KCNMA1: variants seen among roughly 807,000 people sequenced by gnomAD.
The protein encoded by KCNMA1 is potassium calcium-activated channel subfamily M alpha 1.
Under a neutral mutation model 140.0 loss-of-function variants are expected in KCNMA1, and 29 were observed. The observed-to-expected ratio is 0.21, with a 90% CI of 0.15 to 0.28. The LOEUF (loss-of-function observed/expected upper bound fraction) is 0.28, where lower values mean the gene tolerates loss of function less well. Among genes scored for constraint, KCNMA1 ranks in the 10% least tolerant of loss-of-function variants. The pLI is 1.00. For missense variants in KCNMA1, 880 were observed against 1,602.2 expected, an observed-to-expected ratio of 0.55 and a Z score of 7.70; for synonymous variants, 612 against 611.9, an observed-to-expected ratio of 1.00 and a Z score of 0.00.
chr10:77,563,879 G>A (rs2067231468), intron 1 of KCNMA1, among the ~76,000 whole-genome samples: 1 of 152,214 alleles, frequency 6.6e-6, no homozygotes, highest in South Asian at 2.1e-4. Context: ...CTTATGAACT[G>A]TGTGCCCATA....
chr10:77,268,699 G>T (rs1048839399), intron 2 of KCNMA1, among the ~76,000 whole-genome samples: 3 of 152,106 alleles, frequency 2.0e-5, no homozygotes, highest in Non-Finnish European at 4.4e-5. Flanking sequence ...CATGGGGTTC[G>T]AATGTGTCAT....
At chr10:77,130,294 A>G (rs1416305222) in intron 5 of KCNMA1, among the ~76,000 whole-genome samples, 1 of 152,204 alleles carries the variant, frequency 6.6e-6, no homozygotes, top group African/African-American at 2.4e-5. Context: ...AATTTTCAGC[A>G]CTTTATTATA....
intron 1 of KCNMA1, among the ~76,000 whole-genome samples, chr10:77,441,058 C>G (rs770781266): frequency 6.6e-6 from 1 of 151,932 alleles, no homozygotes; most frequent in Non-Finnish European, 1.5e-5. Context: ...CTCCTGACCT[C>G]GTGATCCACC....
downstream of KCNMA1, chr10:76,872,199 T>A (rs2031488985): frequency 6.6e-6 from 1 of 152,218 alleles, no homozygotes; most frequent in South Asian, 2.1e-4. Context: ...CTTTGTGAGT[T>A]TGTTGCTGAC....
chr10:76,886,491 G>A lies in KCNMA1; in HGVS notation c.*775C>T. The A allele has an allele frequency of 9.1e-6, 9 of 984,204 alleles. No individual in the cohort carries two copies. The highest frequency in any genetic ancestry group is 9.7e-6 in the Non-Finnish European group (8 of 828,850). 61.0% of individuals were successfully genotyped at this position (984,204 alleles called of 1,614,324 possible). On this transcript the variant is annotated 3_prime_UTR_variant, in exon 28 of 28. Coordinates refer to ENST00000286628, the MANE Select transcript of KCNMA1 (RefSeq NM_001161352.2). ...AGGAGACAGAATAACAATTTAATAT[G>A]CAATCAAACCTCTTTTCACTTAAAC...
At chr10:77,178,239 G>T (rs1175719151) in intron 5 of KCNMA1, among the ~76,000 whole-genome samples, 1 of 152,162 alleles carries the variant, frequency 6.6e-6, no homozygotes, top group South Asian at 2.1e-4. Context: ...AACAGGGGAT[G>T]GTGTTGGAAA....
chr10:77,458,734 C>T (rs1433636951), intron 1 of KCNMA1, among the ~76,000 whole-genome samples: 1 of 152,128 alleles, frequency 6.6e-6, no homozygotes, highest in Admixed American at 6.5e-5. Flanking sequence ...TGCAGACAAC[C>T]AAGGCTCAAT....
intron 5 of KCNMA1, among the ~76,000 whole-genome samples, chr10:77,142,795 T>A (rs1338544373): frequency 6.6e-6 from 1 of 152,204 alleles, no homozygotes; most frequent in Non-Finnish European, 1.5e-5. Context: ...TTAGGAATAA[T>A]ATTATGTCTC....
chr10:77,018,981 A>G (rs1439760687), intron 17 of KCNMA1, 32 bp downstream of exon 17: 3 of 1,295,080 alleles, frequency 2.3e-6, no homozygotes, highest in Non-Finnish European at 3.4e-6. Flanking sequence ...CAGCCGGGCC[A>G]GAAAGAAAGC....
intron 19 of KCNMA1, among the ~76,000 whole-genome samples, chr10:76,977,089 C>T (rs1348656043): frequency 1.3e-5 from 2 of 152,146 alleles, no homozygotes; most frequent in Non-Finnish European, 1.5e-5. Flanking sequence ...CTCCCTACTC[C>T]TGACACCAAA....
At chr10:77,323,474 C>A (rs888794705) in intron 2 of KCNMA1, among the ~76,000 whole-genome samples, 1 of 152,118 alleles carries the variant, frequency 6.6e-6, no homozygotes, top group Non-Finnish European at 1.5e-5. Flanking sequence ...GCTTGGGAAC[C>A]CAGTTGAGAG....
intron 20 of KCNMA1, 96 bp from the exon 21 acceptor site, chr10:76,954,020 G>A: frequency 1.5e-6 from 2 of 1,368,040 alleles, no homozygotes; most frequent in South Asian, 1.2e-5. Context: ...TGTGAAAGAT[G>A]CAGAGGAAGT....
chr10:77,060,811 A>G (rs10824487), intron 14 of KCNMA1, among the ~76,000 whole-genome samples: 29,492 of 152,124 alleles, frequency 0.19, 3,157 homozygotes, highest in Middle Eastern at 0.27. Flanking sequence ...AAGAAGAAAT[A>G]GGAGATGTGA....
intron 1 of KCNMA1, chr10:77,636,289 C>G: frequency 6.8e-7 from 1 of 1,481,110 alleles, no homozygotes; most frequent in Non-Finnish European, 9.0e-7. Flanking sequence ...GGGAAGACAT[C>G]TCTAGGGACA....
chr10:76,883,730 T>TTTG (rs1178311377), downstream of KCNMA1, among the ~76,000 whole-genome samples: 2 of 148,792 alleles, frequency 1.3e-5, no homozygotes, highest in African/African-American at 2.5e-5. Context: ...TGTTTTTTTT[T>TTTG]TTTTTTTTTT....
At chr10:77,521,516 C>T (rs1438925970) in intron 1 of KCNMA1, among the ~76,000 whole-genome samples, 1 of 152,234 alleles carries the variant, frequency 6.6e-6, no homozygotes, top group Non-Finnish European at 1.5e-5. Flanking sequence ...ATTTAACTGC[C>T]TCTCTGTGCC....
At chr10:77,212,108 A>C (rs1455668731) in intron 3 of KCNMA1, among the ~76,000 whole-genome samples, 1 of 152,230 alleles carries the variant, frequency 6.6e-6, no homozygotes, top group East Asian at 1.9e-4. Flanking sequence ...ATATACCCAA[A>C]GGAAACTAGA....
chr10:77,118,797 G>A (rs950983663), intron 6 of KCNMA1, among the ~76,000 whole-genome samples: 1 of 152,172 alleles, frequency 6.6e-6, no homozygotes, highest in Non-Finnish European at 1.5e-5. Context: ...AGGTGGCCTG[G>A]CCCCCTACGC....
intron 1 of KCNMA1, among the ~76,000 whole-genome samples, chr10:77,565,762 T>C (rs2154559782): frequency 6.6e-6 from 1 of 152,356 alleles, no homozygotes; most frequent in Admixed American, 6.5e-5. Flanking sequence ...GTATCTGTGA[T>C]GGGCACCAGG....
Sources: gnomAD v4.1 joint callset for allele counts (sites outside exome capture counted in the v4.1 genomes callset) on GRCh38, gnomAD v4.1.1 for gene constraint, MANE v1.5 for transcripts, NCBI Gene and HGNC (gene_info 2026-07-23, HGNC 2026-07-21) for gene names.